IBTK: variants seen among roughly 807,000 people sequenced by gnomAD.
IBTK encodes inhibitor of Bruton tyrosine kinase.
IBTK carries 83 observed loss-of-function variants against 154.9 expected under a neutral mutation model. That is an observed-to-expected ratio of 0.54 (90% CI 0.45 to 0.64). The LOEUF is 0.64. Ranked by LOEUF, IBTK falls within the 30% of genes least tolerant of loss-of-function variation. The pLI, the probability that IBTK is intolerant of heterozygous loss-of-function variation, is 0.00. For synonymous variants in IBTK, 515 were observed against 536.1 expected (o/e 0.96, Z 0.54); for missense variants, 1,332 against 1,584.6 (o/e 0.84, Z 2.71).
intron 5 of IBTK, 102 bp from the exon 6 acceptor site, chr6:82,225,749 ACTGATACATGG>A: frequency 1.2e-6 from 1 of 824,022 alleles, no homozygotes. Context: ...AAATGACATG[ACTGATACATGG>A]CTGTATCTAT....
chr6:82,228,272 T>C (rs1236031601), intron 4 of IBTK, among the ~76,000 whole-genome samples: 2 of 152,134 alleles, frequency 1.3e-5, no homozygotes, highest in African/African-American at 2.4e-5. Flanking sequence ...GTCAAGGTCC[T>C]TTGGAAAACA....
At chr6:82,233,071 A>C (rs1310862649) in intron 3 of IBTK, among the ~76,000 whole-genome samples, 1 of 151,284 alleles carries the variant, frequency 6.6e-6, no homozygotes, top group East Asian at 1.9e-4. Context: ...AGAGCCTCTC[A>C]GCTTGAACCC....
intron 7 of IBTK, among the ~76,000 whole-genome samples, chr6:82,223,855 T>C (rs1770194358): frequency 6.6e-6 from 1 of 152,018 alleles, no homozygotes; most frequent in African/African-American, 2.4e-5. Flanking sequence ...GGGGCTGAGA[T>C]GGGAGGATCG....
In IBTK at chr6:82,191,120, T is replaced by G. The variant is rs766409715; in HGVS notation, c.3528A>C (p.Glu1176Asp). The G allele has an allele frequency of 1.9e-6, 3 of 1,603,026 alleles. No homozygotes were observed. Among genetic ancestry groups the G allele is most frequent in the Non-Finnish European group, 2.6e-6 (3 of 1,173,702 alleles). The change falls in exon 25 of 29, where the codon GAA becomes GAC. Residue 1176 changes from glutamate to aspartate, a missense_variant. Around this residue, in one of 3 missense-constraint regions of IBTK, gnomAD observed 1,134 missense variants for 1,274.7 expected, o/e 0.89. Transcript: ENST00000306270. Reference sequence around the variant, plus strand: ...CTTTTGAAGGAGTGAATAAAACTGTTTCCATGCTATTCATTCCTGAATTGT... The same window carrying G: ...CTTTTGAAGGAGTGAATAAAACTGTGTCCATGCTATTCATTCCTGAATTGT... ...KENNSGMNSM[E>D]TVLFTPSKAP... is the part of the protein sequence containing the mutation.
chr6:82,197,173 C>T (rs1382429853), intron 21 of IBTK, among the ~76,000 whole-genome samples: 1 of 151,890 alleles, frequency 6.6e-6, no homozygotes, highest in Non-Finnish European at 1.5e-5. Flanking sequence ...AATGAAGTAC[C>T]AAAATAAGCT....
At chr6:82,214,116 C>G (rs190950938) in intron 12 of IBTK, 111 bp downstream of exon 12, 3 of 1,064,982 alleles carry the variant, frequency 2.8e-6, no homozygotes, top group Non-Finnish European at 4.0e-6. Flanking sequence ...CCACCACACC[C>G]GGCTAATTTT....
intron 6 of IBTK, 37 bp downstream of exon 6, chr6:82,225,440 A>T: frequency 2.6e-6 from 4 of 1,538,398 alleles, no homozygotes; most frequent in East Asian, 2.3e-5. Context: ...TTTTATTGCA[A>T]ATGTAAAACC....
chr6:82,181,864 A>T lies in IBTK; in HGVS notation c.3725+15T>A. 6.6e-7 allele frequency: 1 copy of T among 1,521,386 alleles called. No homozygotes were observed. The highest frequency in any genetic ancestry group is 1.2e-5 in the South Asian group (1 of 81,322). The allele number at this position is 1,521,386 out of a possible 1,614,324, so 94.2% of individuals were successfully genotyped here. A position where few individuals can be genotyped will look rare whatever the true frequency, so the allele number is the denominator to read the frequency against. ...TAAGGTAGAAAATGTATTAGTTTTA[A>T]GTTTGTTTTATTACCTGACAATTTT... On this transcript the variant is annotated intron_variant, in intron 26 of 28. Transcript: ENST00000306270.
At chr6:82,194,448 T>G in intron 23 of IBTK, 31 bp downstream of exon 23, 1 of 1,360,770 alleles carries the variant, frequency 7.3e-7, no homozygotes, top group Non-Finnish European at 9.8e-7. Flanking sequence ...TTTCTCAAAC[T>G]AACAGTTATA....
chr6:82,180,353 C>T (rs1768276041), intron 26 of IBTK, among the ~76,000 whole-genome samples: 1 of 151,998 alleles, frequency 6.6e-6, no homozygotes, highest in Non-Finnish European at 1.5e-5. Context: ...TCAAGCAATC[C>T]TCCCACCCAG....
rs35757334 is a variant in IBTK at position 82,173,674 on chromosome 6, A to AATATATATAT, written c.3726-246_3726-237dup. On this transcript the variant is annotated intron_variant, in intron 26 of 28. Coordinates refer to ENST00000306270, the MANE Select transcript of IBTK (RefSeq NM_015525.4). ...AAGAAATAGCCTATTTCTAATAATA[A>AATATATATAT]ATATATATATACACACACCAGATAA... 2.3e-4 allele frequency: 45 copies of AATATATATAT among 197,318 alleles called. 2 individuals are homozygous for AATATATATAT. The highest frequency in any genetic ancestry group is 1.0e-3 in the African/African-American group (40 of 38,270). The allele number at this position is 197,318 out of a possible 1,614,324, so 12.2% of individuals were successfully genotyped here.
At chr6:82,186,913 C>CTTT (rs138781864) in intron 25 of IBTK, among the ~76,000 whole-genome samples, 66 of 103,656 alleles carry the variant, frequency 6.4e-4, no homozygotes, top group Non-Finnish European at 8.5e-4. Flanking sequence ...TTATCAAATT[C>CTTT]TTTTTTTTTT....
At chr6:82,173,549 T>A in intron 26 of IBTK, 111 bp from the exon 27 acceptor site, 1 of 733,058 alleles carries the variant, frequency 1.4e-6, no homozygotes, top group Non-Finnish European at 2.3e-6. Context: ...AGAGGCAAAT[T>A]AAATGAGTGC....
At chr6:82,177,020 G>T (rs1768147266) in intron 26 of IBTK, among the ~76,000 whole-genome samples, 1 of 151,924 alleles carries the variant, frequency 6.6e-6, no homozygotes, top group African/African-American at 2.4e-5. Context: ...TAAAATATTT[G>T]GAAATGAATA....
intron 15 of IBTK, among the ~76,000 whole-genome samples, 153 bp from the exon 16 acceptor site, chr6:82,211,063 T>C (rs192521618): frequency 5.5e-4 from 84 of 152,144 alleles, no homozygotes; most frequent in Admixed American, 2.6e-3. Flanking sequence ...TAAAATAATA[T>C]TAAATTTAAT....
intron 12 of IBTK, 99 bp from the exon 13 acceptor site, chr6:82,212,892 T>C: frequency 3.0e-6 from 2 of 674,714 alleles, no homozygotes; most frequent in East Asian, 5.3e-5. Flanking sequence ...AATATAATAC[T>C]GTATCCTAGA....
intron 11 of IBTK, among the ~76,000 whole-genome samples, chr6:82,215,434 A>G (rs747630142): frequency 1.3e-5 from 2 of 152,180 alleles, no homozygotes; most frequent in Non-Finnish European, 2.9e-5. Flanking sequence ...AAACTGCCTA[A>G]GAAATATTTA....
chr6:82,202,078 G>A (rs191906006), intron 18 of IBTK, among the ~76,000 whole-genome samples: 250 of 152,160 alleles, frequency 1.6e-3, no homozygotes, highest in Non-Finnish European at 3.2e-3. Flanking sequence ...CTTCATAAGA[G>A]TTTCATAAAA....
chr6:82,195,988 T>C (rs1302038020), intron 22 of IBTK, among the ~76,000 whole-genome samples: 2 of 152,204 alleles, frequency 1.3e-5, no homozygotes, highest in African/African-American at 2.4e-5. Flanking sequence ...TTTCACAAGA[T>C]AAATTTCAAT....
Sources: allele counts gnomAD v4.1 joint callset (sites outside exome capture counted in the v4.1 genomes callset), GRCh38; gene constraint gnomAD v4.1.1; regional missense constraint gnomAD v4.1.1; transcripts MANE v1.5; gene names NCBI Gene and HGNC (gene_info 2026-07-23, HGNC 2026-07-21).